CNTN4: variants seen among roughly 807,000 people sequenced by gnomAD.
CNTN4 encodes the protein contactin 4.
Under a neutral mutation model 122.5 loss-of-function variants are expected in CNTN4, and 77 were observed. The observed-to-expected ratio is 0.63, with a 90% CI of 0.52 to 0.76. The LOEUF is 0.76. Among genes scored for constraint, CNTN4 ranks in the 30% least tolerant of loss-of-function variants. The pLI is 0.00. For missense variants in CNTN4, 1,256 were observed against 1,259.1 expected (o/e 1.00, Z 0.04); for synonymous variants, 512 against 447.0 (o/e 1.15, Z -1.83).
chr3:2,768,547 C>A (rs1482718609), intron 6 of CNTN4, among the ~76,000 whole-genome samples: 1 of 152,164 alleles, frequency 6.6e-6, no homozygotes, highest in Non-Finnish European at 1.5e-5. Context: ...CCAATGGGAG[C>A]TCATTCTCCA....
At chr3:2,314,509 T>C (rs2043024694) in intron 2 of CNTN4, among the ~76,000 whole-genome samples, 1 of 151,842 alleles carries the variant, frequency 6.6e-6, no homozygotes, top group East Asian at 1.9e-4. Flanking sequence ...GATGTGATAA[T>C]AGGTGAAAGG....
At chr3:2,101,613 A>T (rs2031968505) in intron 2 of CNTN4, among the ~76,000 whole-genome samples, 1 of 152,070 alleles carries the variant, frequency 6.6e-6, no homozygotes, top group African/African-American at 2.4e-5. Flanking sequence ...CTAGTGAAGG[A>T]GGCAAGGAGG....
intron 3 of CNTN4, among the ~76,000 whole-genome samples, chr3:2,458,970 C>G (rs1384472891): frequency 1.3e-5 from 2 of 152,166 alleles, no homozygotes; most frequent in Non-Finnish European, 2.9e-5. Context: ...GCTTTGCATT[C>G]CACTCTTTAG....
At chr3:2,294,416 A>C (rs2042235039) in intron 2 of CNTN4, among the ~76,000 whole-genome samples, 1 of 151,726 alleles carries the variant, frequency 6.6e-6, no homozygotes, top group Admixed American at 6.6e-5. Flanking sequence ...GGATCACTCG[A>C]GCTGTGAAGT....
At chr3:3,008,630 G>T (rs1019199750) in intron 14 of CNTN4, among the ~76,000 whole-genome samples, 1 of 152,084 alleles carries the variant, frequency 6.6e-6, no homozygotes, top group Non-Finnish European at 1.5e-5. Flanking sequence ...AAGTCGTTCC[G>T]TGTCTAAGAA....
intron 3 of CNTN4, among the ~76,000 whole-genome samples, chr3:2,364,929 A>G (rs1280790731): frequency 6.6e-6 from 1 of 152,178 alleles, no homozygotes; most frequent in African/African-American, 2.4e-5. Flanking sequence ...TATTAATAAT[A>G]GTGCGATTTG....
At chr3:2,122,965 G>A (rs2033897823) in intron 2 of CNTN4, among the ~76,000 whole-genome samples, 1 of 152,164 alleles carries the variant, frequency 6.6e-6, no homozygotes, top group African/African-American at 2.4e-5. Context: ...TATATTATGA[G>A]ACATTGGGTA....
At chr3:2,318,871 A>T (rs78207924) in intron 2 of CNTN4, among the ~76,000 whole-genome samples, 1,764 of 152,210 alleles carry the variant, frequency 0.012, 42 homozygotes, top group African/African-American at 0.04. Context: ...TTGAATGTCT[A>T]AGCTCAAGCA....
In CNTN4 at chr3:2,801,946, G is replaced by C. The variant is rs181010799; in HGVS notation, c.359-17540G>C. 1.4e-3 allele frequency among the ~76,000 whole-genome samples: 206 copies of C among 152,240 alleles called. 2 individuals are homozygous for C. Among genetic ancestry groups the C allele is most frequent in the African/African-American group, 4.1e-3 (170 of 41,544 alleles). On this transcript the variant is annotated intron_variant, in intron 6 of 24. Transcript: ENST00000418658. ...AATCAAATGAGTTATTAGTAAAAAT[G>C]TTGGAGTTTTCTCTATTTGCTAAAA...
chr3:2,208,406 G>A (rs2149425006), intron 2 of CNTN4, among the ~76,000 whole-genome samples: 1 of 152,262 alleles, frequency 6.6e-6, no homozygotes, highest in South Asian at 2.1e-4. Context: ...GACTGAAATT[G>A]TTGCAATCTC....
chr3:2,589,053 A>G (rs2149638070), intron 4 of CNTN4, among the ~76,000 whole-genome samples: 1 of 152,326 alleles, frequency 6.6e-6, no homozygotes, highest in African/African-American at 2.4e-5. Flanking sequence ...GTAAAACTAT[A>G]GCTCATTTTA....
intron 13 of CNTN4, chr3:2,927,174 C>A: frequency 1.6e-5 from 5 of 304,704 alleles, no homozygotes; most frequent in East Asian, 8.3e-5. Flanking sequence ...TGTCAAAAAT[C>A]ATGAATGAAT....
intron 14 of CNTN4, among the ~76,000 whole-genome samples, chr3:3,009,268 C>T (rs11926567): frequency 3.3e-5 from 5 of 152,282 alleles, no homozygotes; most frequent in Admixed American, 3.3e-4. Flanking sequence ...ACAAGTTAAC[C>T]TTTACCTTTC....
chr3:2,170,304 A>G (rs573528005), intron 2 of CNTN4, among the ~76,000 whole-genome samples: 121 of 151,490 alleles, frequency 8.0e-4, no homozygotes, highest in Admixed American at 2.2e-3. Context: ...TGGGCGACAC[A>G]CCAAGACTCC....
chr3:2,193,217 C>A (rs1452258763), intron 2 of CNTN4, among the ~76,000 whole-genome samples: 1 of 152,072 alleles, frequency 6.6e-6, no homozygotes, highest in Non-Finnish European at 1.5e-5. Context: ...GAATTTCATT[C>A]TTTTTGGAAA....
Position 2,404,568 on chromosome 3 carries a change from G to C in CNTN4, c.-89+65335G>C, listed in dbSNP as rs777796058. Among the ~76,000 whole-genome samples, 53 of 152,168 alleles carry C rather than the reference G, an allele frequency of 3.5e-4. No individual in the cohort carries two copies. In the Middle Eastern group the frequency reaches 0.031, roughly 88 times the overall value. The stretch of plus-strand genomic sequence containing the variant: ...TCTCCTCCACATATTTCTGAAGGAG[G>C]CTCTTCTGTCTTCCCCTTCTGCTTT... On this transcript the variant is annotated intron_variant, in intron 3 of 24. Transcript: ENST00000418658.
intron 14 of CNTN4, among the ~76,000 whole-genome samples, chr3:3,001,717 C>A (rs906732647): frequency 5.3e-5 from 8 of 152,106 alleles, no homozygotes; most frequent in African/African-American, 1.9e-4. Context: ...TGAAAAAAAG[C>A]CAGCTCTTGA....
chr3:2,460,174 A>G (rs1468796732), intron 3 of CNTN4, among the ~76,000 whole-genome samples: 3 of 152,126 alleles, frequency 2.0e-5, no homozygotes, highest in African/African-American at 7.2e-5. Context: ...TGGATTTCTT[A>G]TCCTATGTAT....
chr3:2,200,018 C>A (rs1371236678), intron 2 of CNTN4, among the ~76,000 whole-genome samples: 2 of 152,124 alleles, frequency 1.3e-5, no homozygotes, highest in African/African-American at 4.8e-5. Context: ...ATTCTTGATG[C>A]AATGGGACAG....
Sources: allele counts gnomAD v4.1 joint callset (sites outside exome capture counted in the v4.1 genomes callset), GRCh38; gene constraint gnomAD v4.1.1; transcripts MANE v1.5; gene names NCBI Gene and HGNC (gene_info 2026-07-23, HGNC 2026-07-21).